SFT2D2: variants seen among roughly 807,000 people sequenced by gnomAD.
SFT2D2 encodes the protein SFT2 domain containing 2.
In SFT2D2, 21 loss-of-function variants were observed where a neutral mutation model predicts 27.4. That is an observed-to-expected ratio of 0.77 (90% CI 0.54 to 1.10). The LOEUF (loss-of-function observed/expected upper bound fraction) is 1.10. Among genes scored for constraint, SFT2D2 ranks in the 50% least tolerant of loss-of-function variants. The pLI is 0.00. For synonymous variants in SFT2D2, 72 were observed against 71.7 expected, an observed-to-expected ratio of 1.00 and a Z score of -0.02; for missense variants, 187 against 194.2, an observed-to-expected ratio of 0.96 and a Z score of 0.22.
chr1:168,237,074 T>C (rs1647522978), intron 6 of SFT2D2, among the ~76,000 whole-genome samples: 1 of 152,232 alleles, frequency 6.6e-6, no homozygotes, highest in African/African-American at 2.4e-5. Context: ...AAGCCACTCA[T>C]GTCCGGTAAG....
chr1:168,231,493 T>TTC, intron 1 of SFT2D2, 21 bp from the exon 2 acceptor site: 2 of 1,268,360 alleles, frequency 1.6e-6, no homozygotes, highest in Admixed American at 2.1e-5. Context: ...TGTATATGTA[T>TTC]TTTTTTTTTT....
rs1647729816 is a variant in SFT2D2, at chr1:168,244,035, T to G, written c.*1495T>G. ...GTTTATCTGGATTGCCTTTCTGTTC[T>G]TTGCACAGGGCCAACTGGTCCACTA... On this transcript the variant is annotated 3_prime_UTR_variant, in exon 8 of 8. Coordinates refer to ENST00000271375, the MANE Select transcript of SFT2D2 (RefSeq NM_199344.3). The G allele has an allele frequency of 6.6e-6, 1 of 152,324 alleles. No homozygotes were observed. The highest frequency in any genetic ancestry group is 2.4e-5 in the African/African-American group (1 of 41,456). 9.4% of individuals were successfully genotyped at this position (152,324 alleles called of 1,614,324 possible).
intron 1 of SFT2D2, among the ~76,000 whole-genome samples, chr1:168,229,421 A>G (rs1258138466): frequency 6.6e-6 from 1 of 152,230 alleles, no homozygotes; most frequent in East Asian, 1.9e-4. Flanking sequence ...TATCCTCTTC[A>G]AATAGAAAGG....
At chr1:168,239,355 A>T (rs994453273) in intron 7 of SFT2D2, among the ~76,000 whole-genome samples, 195 bp downstream of exon 7, 1 of 151,650 alleles carries the variant, frequency 6.6e-6, no homozygotes, top group South Asian at 2.1e-4. Context: ...AATGATGGAT[A>T]TTTACCCAGG....
rs1287282625 is a variant in SFT2D2 at position 168,251,647 on chromosome 1, A to T, written c.*9107A>T. The stretch of plus-strand genomic sequence containing the variant: ...TTCAGCATATAAATTTTTAAGAATC[A>T]GTGTTTAAAGGTACGTGAAACCATT... On this transcript the variant is annotated 3_prime_UTR_variant, in exon 8 of 8. Coordinates refer to ENST00000271375, the MANE Select transcript of SFT2D2 (RefSeq NM_199344.3). 6.6e-6 allele frequency: 1 copy of T among 151,850 alleles called. No individual in the cohort carries two copies. The highest frequency in any genetic ancestry group is 1.5e-5 in the Non-Finnish European group (1 of 67,974). 9.4% of individuals were successfully genotyped at this position (151,850 alleles called of 1,614,324 possible). A position where few individuals can be genotyped will look rare whatever the true frequency, so the allele number is the denominator to read the frequency against.
chr1:168,236,808 C>T (rs1276636686), intron 6 of SFT2D2, 38 bp downstream of exon 6: 1 of 1,600,014 alleles, frequency 6.2e-7, no homozygotes, highest in Admixed American at 1.7e-5. Context: ...CCACATAGCC[C>T]ACTGAATAAT....
chr1:168,238,941 G>A (rs964320039), intron 6 of SFT2D2, among the ~76,000 whole-genome samples, 190 bp from the exon 7 acceptor site: 2 of 152,222 alleles, frequency 1.3e-5, no homozygotes, highest in South Asian at 2.1e-4. Flanking sequence ...TGGCCATAGT[G>A]TGTGTGTTTG....
At chr1:168,230,225 A>G (rs1190742214) in intron 1 of SFT2D2, among the ~76,000 whole-genome samples, 1 of 152,166 alleles carries the variant, frequency 6.6e-6, no homozygotes, top group African/African-American at 2.4e-5. Flanking sequence ...TTGCCAGTCT[A>G]ATGACTCTTG....
At chr1:168,240,519 T>A (rs1647617891) in intron 7 of SFT2D2, among the ~76,000 whole-genome samples, 1 of 152,176 alleles carries the variant, frequency 6.6e-6, no homozygotes, top group Non-Finnish European at 1.5e-5. Flanking sequence ...GAGGATCCAA[T>A]GAGATATTGA....
chr1:168,247,182 AT>A lies in SFT2D2; in HGVS notation c.*4643del, dbSNP rs1647842826. On this transcript the variant is annotated 3_prime_UTR_variant, in exon 8 of 8. Transcript: ENST00000271375. Reference sequence around the variant, plus strand: ...TAAGTTCCACTGATCTTTTACATAAATAAACTGCATTTTTAATTTTCTTTTT... The same window carrying A: ...TAAGTTCCACTGATCTTTTACATAAAAAACTGCATTTTTAATTTTCTTTTT... The A allele has an allele frequency of 3.7e-6, 1 of 269,686 alleles. No homozygotes were observed. The highest frequency in any genetic ancestry group is 7.5e-6 in the Non-Finnish European group (1 of 133,734). The allele number at this position is 269,686 out of a possible 1,614,324, so 16.7% of individuals were successfully genotyped here. A position where few individuals can be genotyped will look rare whatever the true frequency, so the allele number is the denominator to read the frequency against.
At chr1:168,236,805 G>A in intron 6 of SFT2D2, 35 bp downstream of exon 6, 2 of 1,603,988 alleles carry the variant, frequency 1.2e-6, no homozygotes, top group Non-Finnish European at 1.7e-6. Flanking sequence ...CTCCCACATA[G>A]CCCACTGAAT....
intron 6 of SFT2D2, among the ~76,000 whole-genome samples, chr1:168,237,980 T>A (rs1341377723): frequency 6.6e-6 from 1 of 152,156 alleles, no homozygotes; most frequent in Non-Finnish European, 1.5e-5. Context: ...TATAGACTGA[T>A]TTTGAATCCA....
rs1315788703 is a variant in SFT2D2 at position 168,242,576 on chromosome 1, A to T, written c.*36A>T. 1 of 1,613,576 alleles carries T rather than the reference A, an allele frequency of 6.2e-7. No homozygotes were observed. Among genetic ancestry groups the T allele is most frequent in the East Asian group, 2.2e-5 (1 of 44,884 alleles). On this transcript the variant is annotated 3_prime_UTR_variant, in exon 8 of 8. Transcript: ENST00000271375. ...GTTTTATGAAGCTTTGGAAGGCACT[A>T]TGGACAGAAGCTGGTGGACAGTTTT...
intron 2 of SFT2D2, 113 bp downstream of exon 2, chr1:168,231,713 GGA>G (rs1489199838): frequency 7.0e-7 from 1 of 1,429,146 alleles, no homozygotes; most frequent in Non-Finnish European, 9.9e-7. Context: ...ATGGATGAGA[GGA>G]GAGGGGAATA....
In SFT2D2 at chr1:168,231,569, G is replaced by GT; in HGVS notation, c.123dup (p.Ala42CysfsTer32). The GT allele has an allele frequency of 6.2e-7, 1 of 1,613,992 alleles. No homozygotes were observed. The highest frequency in any genetic ancestry group is 8.5e-7 in the Non-Finnish European group (1 of 1,180,020). ...ACCAGGATAAAAGGCTTCATTGCGT[G>GT]TTTTGCTATAGGAATTCTCTGCTCA... On this transcript the variant is annotated frameshift_variant, in exon 2 of 8. Transcript: ENST00000271375. LOFTEE classifies it high-confidence loss of function.
chr1:168,236,005 G>A (rs919330254), intron 4 of SFT2D2, among the ~76,000 whole-genome samples: 2 of 152,202 alleles, frequency 1.3e-5, no homozygotes, highest in African/African-American at 4.8e-5. Context: ...AGTAGTTATT[G>A]TTATAGAAGG....
At chr1:168,231,968 A>ATTT in intron 3 of SFT2D2, 49 bp downstream of exon 3, 3 of 1,536,700 alleles carry the variant, frequency 2.0e-6, no homozygotes, top group Non-Finnish European at 2.7e-6. Flanking sequence ...AGATGGGAAA[A>ATTT]TGGATGTTGG....
At position 168,249,138 on chromosome 1, in the gene SFT2D2, T is replaced by C. The variant is rs572693976; in HGVS notation, c.*6598T>C. 6.6e-6 allele frequency: 1 copy of C among 152,356 alleles called. No individual in the cohort carries two copies. The highest frequency in any genetic ancestry group is 2.4e-5 in the African/African-American group (1 of 41,578). The allele number at this position is 152,356 out of a possible 1,614,324, so 9.4% of individuals were successfully genotyped here. ...TCTGCTAGCTTTTGAATTTGTTTGC[T>C]CTTGCTTCTCTAGGTCTTTTAATTG... On this transcript the variant is annotated 3_prime_UTR_variant, in exon 8 of 8. Transcript: ENST00000271375.
chr1:168,231,949 C>T, intron 3 of SFT2D2, 30 bp downstream of exon 3: 1 of 1,589,862 alleles, frequency 6.3e-7, no homozygotes, highest in Non-Finnish European at 8.6e-7. Context: ...CCAATTTTAG[C>T]CAATCATTAG....
Sources: allele counts gnomAD v4.1 joint callset (sites outside exome capture counted in the v4.1 genomes callset), GRCh38; gene constraint gnomAD v4.1.1; transcripts MANE v1.5; gene names NCBI Gene and HGNC (gene_info 2026-07-23, HGNC 2026-07-21).